MLXIP: variants seen among roughly 807,000 people sequenced by gnomAD.
MLXIP encodes MLX-interacting protein.
Under a neutral mutation model 87.2 loss-of-function variants are expected in MLXIP, and 30 were observed. The ratio of observed to expected loss-of-function variants is 0.34; its 90% CI spans 0.26 to 0.47. MLXIP has a LOEUF of 0.47. Ranked by LOEUF, MLXIP falls within the 20% of genes least tolerant of loss-of-function variation. The pLI is 1.00. For missense variants in MLXIP, 1,002 were observed against 1,240.1 expected, an observed-to-expected ratio of 0.81 and a Z score of 2.88; for synonymous variants, 530 against 514.0, an observed-to-expected ratio of 1.03 and a Z score of -0.42.
At position 122,133,975 on chromosome 12, in the gene MLXIP, C is replaced by T. The variant is rs779013585; in HGVS notation, c.1720C>T (p.Arg574Cys). 15 of 1,598,808 alleles carry T rather than the reference C, an allele frequency of 9.4e-6. No individual in the cohort carries two copies. Among genetic ancestry groups the T allele is most frequent in the African/African-American group, 1.3e-5 (1 of 74,628 alleles). Residue 574 changes from arginine to cysteine, a missense_variant, in exon 9 of 17, where the codon CGT becomes TGT. This residue lies in a region of MLXIP where 746 missense variants were observed against 897.0 expected (regional missense o/e 0.83). Transcript: ENST00000319080. This position sits in a 1 kb window ranked among gnomAD's most constrained non-coding sequence, Gnocchi z 4.9. Reference protein sequence around the residue: ...EPVSLVLKNARIAPAAFSGQP... With the variant: ...EPVSLVLKNACIAPAAFSGQP... ...CGTGTCCTTGGTGTTGAAGAATGCC[C>T]GTATCGCCCCAGGTGAGCCAGGCGG... is the stretch of plus-strand genomic sequence containing the variant.
chr12:122,125,322 A>T (rs1243897522), intron 1 of MLXIP, among the ~76,000 whole-genome samples: 1 of 123,322 alleles, frequency 8.1e-6, no homozygotes, highest in African/African-American at 3.3e-5. Context: ...ACAGAGCGAG[A>T]CTCCATCTCA....
At chr12:122,081,408 AC>A (rs1414267395) in intron 1 of MLXIP, among the ~76,000 whole-genome samples, 5 of 152,210 alleles carry the variant, frequency 3.3e-5, no homozygotes, top group African/African-American at 1.2e-4. Context: ...CAGACAAATG[AC>A]TCAAAACCAG....
intron 1 of MLXIP, among the ~76,000 whole-genome samples, chr12:122,091,453 T>C (rs1203878368): frequency 6.6e-6 from 1 of 152,192 alleles, no homozygotes; most frequent in Non-Finnish European, 1.5e-5. Flanking sequence ...GTCCCAGCAC[T>C]TTGGGAGGCC....
chr12:122,085,560 T>G (rs974491568), intron 1 of MLXIP, among the ~76,000 whole-genome samples: 1 of 152,142 alleles, frequency 6.6e-6, no homozygotes, highest in Admixed American at 6.5e-5. Flanking sequence ...CATGCCACCA[T>G]GCCCGGCTAA....
At chr12:122,105,044 G>A (rs1444514251) in intron 1 of MLXIP, among the ~76,000 whole-genome samples, 1 of 152,150 alleles carries the variant, frequency 6.6e-6, no homozygotes, top group Non-Finnish European at 1.5e-5. Flanking sequence ...ACTAAATCAC[G>A]TGAGTCCTGA....
chr12:122,079,391 G>C (rs1346849694), intron 1 of MLXIP, 125 bp downstream of exon 1: 1 of 863,492 alleles, frequency 1.2e-6, no homozygotes, highest in African/African-American at 1.7e-5. Context: ...TTCCTCCTTC[G>C]GGAGGGTTTA....
At chr12:122,106,086 C>T (rs1952515366) in intron 1 of MLXIP, among the ~76,000 whole-genome samples, 1 of 152,222 alleles carries the variant, frequency 6.6e-6, no homozygotes, top group Non-Finnish European at 1.5e-5. Context: ...ATCCTAGGCT[C>T]TGCACTGTGG....
chr12:122,115,433 C>A (rs963003936), intron 1 of MLXIP, among the ~76,000 whole-genome samples: 2 of 151,320 alleles, frequency 1.3e-5, no homozygotes, highest in Non-Finnish European at 2.9e-5. Context: ...ACTAAAAATA[C>A]AAAAAATTAG....
At chr12:122,080,315 G>C (rs997466026) in intron 1 of MLXIP, among the ~76,000 whole-genome samples, 1 of 152,156 alleles carries the variant, frequency 6.6e-6, no homozygotes, top group Non-Finnish European at 1.5e-5. Context: ...TCTTAGGTCT[G>C]CTCTGGAGGC....
Position 122,146,337 on chromosome 12 carries a change from G to C in MLXIP, c.*4525G>C, listed in dbSNP as rs1003486018. On this transcript the variant is annotated 3_prime_UTR_variant, in exon 17 of 17. Coordinates refer to ENST00000319080, the MANE Select transcript of MLXIP (RefSeq NM_014938.6). ...TTCGGTGGACACCATGGCCTTGGGC[G>C]GCTGGACAGGTTTTTGTGATGTGAG... The C allele has an allele frequency of 1.3e-5, 2 of 152,494 alleles. No homozygotes were observed. The highest frequency in any genetic ancestry group is 6.5e-5 in the Admixed American group (1 of 15,292). 9.4% of individuals were successfully genotyped at this position (152,494 alleles called of 1,614,324 possible).
chr12:122,111,203 C>T (rs185235526), intron 1 of MLXIP, among the ~76,000 whole-genome samples: 33 of 152,176 alleles, frequency 2.2e-4, no homozygotes, highest in African/African-American at 6.5e-4. Context: ...GCTGGCAGTG[C>T]CTTGAAATGA....
intron 1 of MLXIP, among the ~76,000 whole-genome samples, chr12:122,122,580 C>T (rs1020750691): frequency 8.6e-5 from 13 of 151,648 alleles, no homozygotes; most frequent in Non-Finnish European, 1.3e-4. Context: ...CTTGCTCTGT[C>T]GTCCGGGCTG....
chr12:122,110,351 G>C (rs571278973), intron 1 of MLXIP, among the ~76,000 whole-genome samples: 6 of 151,962 alleles, frequency 3.9e-5, no homozygotes, highest in African/African-American at 1.4e-4. Flanking sequence ...GCAATGGCGC[G>C]GTCTTGGGTC....
chr12:122,089,888 C>T (rs1457600779), intron 1 of MLXIP, among the ~76,000 whole-genome samples: 1 of 152,122 alleles, frequency 6.6e-6, no homozygotes, highest in African/African-American at 2.4e-5. Context: ...TAGGAACTTC[C>T]TTACAGGATG....
In MLXIP at chr12:122,133,430, C is replaced by G. The variant is rs1341081278; in HGVS notation, c.1175C>G (p.Ala392Gly). ...GCGCCCCCTACCGCCCCATCCCTGGCTCACATGGATGAGCAGGGCTGTGAA... is the reference window on the plus strand; with the variant it reads ...GCGCCCCCTACCGCCCCATCCCTGGGTCACATGGATGAGCAGGGCTGTGAA... ...LIAPPTAPSLAHMDEQGCEHT... is the reference protein window; with the variant it reads ...LIAPPTAPSLGHMDEQGCEHT... Residue 392 changes from alanine (A) to glycine (G), a missense_variant, in exon 9 of 17, where the codon GCT (alanine) becomes GGT (glycine). This residue lies in a region of MLXIP where 746 missense variants were observed against 897.0 expected (regional missense o/e 0.83). Transcript: ENST00000319080. The surrounding 1 kb of genome is among the most constrained non-coding windows in gnomAD (Gnocchi z 4.9). 2 of 1,612,548 alleles carry G rather than the reference C, an allele frequency of 1.2e-6. No individual in the cohort carries two copies. Among genetic ancestry groups the G allele is most frequent in the Admixed American group, 3.3e-5 (2 of 59,964 alleles).
intron 1 of MLXIP, among the ~76,000 whole-genome samples, chr12:122,126,942 C>T (rs1294697236): frequency 6.6e-6 from 1 of 152,194 alleles, no homozygotes; most frequent in African/African-American, 2.4e-5. Context: ...TAGTCTGGTT[C>T]ATGGAATCCT....
At chr12:122,130,755 G>A (rs1434811936) in intron 6 of MLXIP, 89 bp from the exon 7 acceptor site, 2 of 903,614 alleles carry the variant, frequency 2.2e-6, no homozygotes, top group Non-Finnish European at 3.7e-6. Context: ...ATGTGAGCAG[G>A]GCCAGGAAGT....
intron 1 of MLXIP, among the ~76,000 whole-genome samples, chr12:122,092,909 T>TTGTGTGTGA (rs1952267921): frequency 1.7e-5 from 1 of 58,902 alleles, no homozygotes; most frequent in Admixed American, 1.9e-4. Context: ...GTGTGTGTTG[T>TTGTGTGTGA]TGTGTGTGAT....
chr12:122,102,006 G>T (rs1414327126), intron 1 of MLXIP, among the ~76,000 whole-genome samples: 1 of 152,160 alleles, frequency 6.6e-6, no homozygotes, highest in Non-Finnish European at 1.5e-5. Flanking sequence ...GACTATCCTT[G>T]TTTATAGCTC....
Sources: allele counts gnomAD v4.1 joint callset (sites outside exome capture counted in the v4.1 genomes callset), GRCh38; gene constraint gnomAD v4.1.1; regional missense constraint gnomAD v4.1.1; non-coding constraint Gnocchi (gnomAD v3.1); transcripts MANE v1.5; gene names NCBI Gene and HGNC (gene_info 2026-07-23, HGNC 2026-07-21).